The following EBF4 variants were observed in gnomAD, a reference collection of about 807,000 sequenced individuals.
The protein encoded by EBF4 is transcription factor COE4.
In EBF4, 34 loss-of-function variants were observed where a neutral mutation model predicts 67.1. The observed-to-expected ratio is 0.51, with a 90% CI of 0.39 to 0.67. EBF4 has a LOEUF of 0.67. Ranked by LOEUF, EBF4 falls within the 30% of genes least tolerant of loss-of-function variation. The pLI is 0.00. For missense variants in EBF4, 837 were observed against 873.3 expected (o/e 0.96, Z 0.52); for synonymous variants, 387 against 377.7 (o/e 1.02, Z -0.29).
In EBF4 at chr20:2,730,967, C is replaced by T. The variant is rs186736061; in HGVS notation, c.558-17582C>T. Among the ~76,000 whole-genome samples the T allele has an allele frequency of 1.2e-4, 18 of 152,266 alleles. No individual in the cohort carries two copies. In the South Asian group the frequency reaches 1.2e-3, roughly 11 times the overall value. On this transcript the variant is annotated intron_variant, in intron 6 of 16. Coordinates refer to ENST00000609451, the Ensembl canonical transcript of EBF4. ...AGGCTGGAGTGCAGTGGCGCAATCTCGGCTCACTGCAACCTCCACCTCCAG... is the reference window on the plus strand; with the variant it reads ...AGGCTGGAGTGCAGTGGCGCAATCTTGGCTCACTGCAACCTCCACCTCCAG...
exon 9 of EBF4, chr20:2,749,701 ACTT>A (rs1190055261): frequency 1.9e-6 from 3 of 1,559,422 alleles, no homozygotes; most frequent in Admixed American, 1.9e-5. Context: ...ATCGGCGACA[ACTT>A]CTTCGACGGG....
In EBF4 at chr20:2,745,036, G is replaced by A. The variant is rs749383114; in HGVS notation, c.558-3513G>A. ...TAGCCACACTGCAAGGGTTCATGCC[G>A]CGTGGGGCTGGTGGCTATAGTAATG... On this transcript the variant is annotated intron_variant, in intron 6 of 16. Transcript: ENST00000609451. This position sits in a 1 kb window ranked among gnomAD's most constrained non-coding sequence, Gnocchi z 5.2. Among the ~76,000 whole-genome samples, 3 of 152,132 alleles carry A rather than the reference G, an allele frequency of 2.0e-5. No individual in the cohort carries two copies. The highest frequency in any genetic ancestry group is 2.9e-5 in the Non-Finnish European group (2 of 68,040).
chr20:2,726,157 AT>A (rs745964436), intron 6 of EBF4, among the ~76,000 whole-genome samples: 1 of 152,192 alleles, frequency 6.6e-6, no homozygotes, highest in African/African-American at 2.4e-5. Flanking sequence ...TATCAATCAC[AT>A]CATATTCCAA....
chr20:2,697,538 CT>C (rs1393169653), intron 1 of EBF4, among the ~76,000 whole-genome samples: 3 of 125,380 alleles, frequency 2.4e-5, no homozygotes, highest in African/African-American at 6.9e-5. Context: ...GAGCGAGACT[CT>C]GTCTCAAAAA....
Position 2,749,977 on chromosome 20 carries a change from A to C in EBF4, c.1018+4A>C. On this transcript the variant is annotated splice_donor_region_variant and intron_variant, in intron 10 of 16. Transcript: ENST00000609451. Reference sequence around the variant, plus strand: ...CCCGGCCGCTTTGTCTACACAGGTAAGGAGTCGGGCGGGGGAGTGGAGGTC... The same window carrying C: ...CCCGGCCGCTTTGTCTACACAGGTACGGAGTCGGGCGGGGGAGTGGAGGTC... The C allele has an allele frequency of 3.9e-6, 6 of 1,548,466 alleles. No homozygotes were observed. The highest frequency in any genetic ancestry group is 5.2e-6 in the Non-Finnish European group (6 of 1,145,326).
chr20:2,713,217 G>T lies in EBF4; in HGVS notation c.557+3575G>T, dbSNP rs577688090. Reference sequence around the variant, plus strand: ...TTGCTGAAGCAATATCCTTCAGGTGGCAAAAGGGATGTGACCTAGTGCATA... The same window carrying T: ...TTGCTGAAGCAATATCCTTCAGGTGTCAAAAGGGATGTGACCTAGTGCATA... On this transcript the variant is annotated intron_variant, in intron 6 of 16. Coordinates refer to ENST00000609451, the Ensembl canonical transcript of EBF4. Among the ~76,000 whole-genome samples the T allele has an allele frequency of 1.6e-4, 24 of 152,310 alleles. No individual in the cohort carries two copies. In the South Asian group the frequency reaches 5.0e-3, roughly 32 times the overall value.
rs2087469292 is a variant in EBF4, at chr20:2,707,107, C to T, written c.415-840C>T. ...TGGAGATCTGGGCTTCCTACATAGG[C>T]AGGGTCTTTTGGCAGCCTCCACCCA... On this transcript the variant is annotated intron_variant, in intron 4 of 16. Coordinates refer to ENST00000609451, the Ensembl canonical transcript of EBF4. The surrounding 1 kb of genome is among the most constrained non-coding windows in gnomAD (Gnocchi z 4.6). Among the ~76,000 whole-genome samples, 1 of 152,116 alleles carries T rather than the reference C, an allele frequency of 6.6e-6. No homozygotes were observed. Among genetic ancestry groups the T allele is most frequent in the Admixed American group, 6.5e-5 (1 of 15,278 alleles).
At chr20:2,709,674 A>G in intron 6 of EBF4, 32 bp downstream of exon 6, 17 of 1,506,048 alleles carry the variant, frequency 1.1e-5, no homozygotes, top group Non-Finnish European at 1.5e-5. Flanking sequence ...CTGGAAGCTC[A>G]GAGGAGAGTG....
intron 1 of EBF4, among the ~76,000 whole-genome samples, chr20:2,704,461 C>A (rs1285936911): frequency 2.6e-5 from 4 of 152,202 alleles, no homozygotes; most frequent in African/African-American, 9.7e-5. Flanking sequence ...CTGGCACGAA[C>A]TTCCAGTACA....
At position 2,743,270 on chromosome 20, in the gene EBF4, G is replaced by C. The variant is rs543029612; in HGVS notation, c.558-5279G>C. Among the ~76,000 whole-genome samples the C allele has an allele frequency of 1.3e-4, 20 of 152,292 alleles. No individual in the cohort carries two copies. The South Asian group carries it at 3.7e-3, about 28-fold the overall frequency. On this transcript the variant is annotated intron_variant, in intron 6 of 16. Coordinates refer to ENST00000609451, the Ensembl canonical transcript of EBF4. ...TCTGCGGTGTGTCTGTCTCCCCCTG[G>C]TGGGCAAGGAGAGGACCAGGCAGCG...
chr20:2,758,123 C>T (rs955836484), intron 15 of EBF4, among the ~76,000 whole-genome samples: 3 of 152,232 alleles, frequency 2.0e-5, no homozygotes, highest in African/African-American at 7.2e-5. Flanking sequence ...CAAACTGCTT[C>T]TACAGAGCAA....
chr20:2,692,951 G>A (rs1170329954), upstream of EBF4: 35 of 146,280 alleles, frequency 2.4e-4, 1 homozygote, highest in Admixed American at 1.9e-3. The surrounding 1 kb of genome is among the most constrained non-coding windows in gnomAD (Gnocchi z 6.4). Flanking sequence ...GCTGCTCCAG[G>A]TGCTGCCGCC....
In EBF4 at chr20:2,693,797, C is replaced by G. The variant is rs930176402; in HGVS notation, c.137+15C>G. 3.9e-6 allele frequency: 5 copies of G among 1,281,060 alleles called. No individual in the cohort carries two copies. Among genetic ancestry groups the G allele is most frequent in the Non-Finnish European group, 4.9e-6 (5 of 1,013,258 alleles). The allele number at this position is 1,281,060 out of a possible 1,614,324, so 79.4% of individuals were successfully genotyped here. On this transcript the variant is annotated intron_variant, in intron 1 of 16. Coordinates refer to ENST00000609451, the Ensembl canonical transcript of EBF4. This position sits in a 1 kb window ranked among gnomAD's most constrained non-coding sequence, Gnocchi z 4.6. ...GCGGCGCAGAGGTAAGCGCTCGGAC[C>G]GGACCCGGTGCGCTCGGGTTGGACG... is the stretch of plus-strand genomic sequence containing the variant.
At chr20:2,754,967 A>AC (rs751398659) in intron 14 of EBF4, 5,157 of 67,384 alleles carry the variant, frequency 0.077, 541 homozygotes, top group African/African-American at 0.21. Flanking sequence ...GATTCAGGAG[A>AC]CCACCCCCCC....
chr20:2,714,216 G>C (rs2087578861), intron 6 of EBF4, among the ~76,000 whole-genome samples: 1 of 152,070 alleles, frequency 6.6e-6, no homozygotes, highest in South Asian at 2.1e-4. Flanking sequence ...CTATTTAAAG[G>C]CTATTTGTGT....
chr20:2,697,268 G>A (rs569633605), intron 1 of EBF4, among the ~76,000 whole-genome samples: 55 of 152,310 alleles, frequency 3.6e-4, no homozygotes, highest in African/African-American at 1.1e-3. Context: ...AGGGAGGGCC[G>A]GGTGCGATGG....
intron 6 of EBF4, among the ~76,000 whole-genome samples, chr20:2,721,169 A>T (rs1225991637): frequency 2.8e-5 from 4 of 142,314 alleles, no homozygotes; most frequent in African/African-American, 5.3e-5. Context: ...ATTTTTTTCT[A>T]CCCCTCTTCT....
intron 6 of EBF4, among the ~76,000 whole-genome samples, chr20:2,735,043 T>C (rs57967074): frequency 0.05 from 7,540 of 150,950 alleles, 590 homozygotes; most frequent in African/African-American, 0.17. Flanking sequence ...TAAAATATTA[T>C]GGCCAAACTT....
chr20:2,752,589 C>T (rs1293032959), intron 14 of EBF4, 44 bp downstream of exon 14: 36 of 1,217,984 alleles, frequency 3.0e-5, no homozygotes, highest in Non-Finnish European at 3.7e-5. Context: ...GGCCGGGGAG[C>T]GGAACGGGAC....
Sources: allele counts gnomAD v4.1 joint callset (sites outside exome capture counted in the v4.1 genomes callset), GRCh38; gene constraint gnomAD v4.1.1; non-coding constraint Gnocchi (gnomAD v3.1); transcripts MANE v1.5; gene names NCBI Gene and HGNC (gene_info 2026-07-23, HGNC 2026-07-21).